The following ARHGEF10L variants were observed in gnomAD, a reference collection of about 807,000 sequenced individuals.
ARHGEF10L encodes Rho guanine nucleotide exchange factor 10 like.
A neutral mutation model predicts 141.2 loss-of-function variants in ARHGEF10L; 69 were observed. That is an observed-to-expected ratio of 0.49 (90% CI 0.40 to 0.60). The LOEUF (loss-of-function observed/expected upper bound fraction) is 0.60. Ranked by LOEUF, ARHGEF10L falls within the 20% of genes least tolerant of loss-of-function variation. The probability of loss-of-function intolerance (pLI) is 0.00; values close to 1 mark genes in which losing one functional copy is unlikely to be tolerated. For synonymous variants in ARHGEF10L, 711 were observed against 718.5 expected, an observed-to-expected ratio of 0.99 and a Z score of 0.17; for missense variants, 1,482 against 1,734.3, an observed-to-expected ratio of 0.85 and a Z score of 2.58.
intron 4 of ARHGEF10L, among the ~76,000 whole-genome samples, chr1:17,596,666 G>A (rs1426717882): frequency 2.0e-5 from 3 of 152,212 alleles, no homozygotes; most frequent in Non-Finnish European, 4.4e-5. Flanking sequence ...ACCCTTGGAG[G>A]TTCACTGAGA....
In ARHGEF10L at chr1:17,539,891, G is replaced by A. The variant is rs1473178804; in HGVS notation, c.-103G>A. ...CCTGCGGAGCTGGAGGCGCGGCGCC[G>A]GCCGCCAGGCGCCTTTGTGAGCGGC... is the stretch of plus-strand genomic sequence containing the variant. On this transcript the variant is annotated 5_prime_UTR_variant, in exon 1 of 29. Transcript: ENST00000361221. The surrounding 1 kb of genome is among the most constrained non-coding windows in gnomAD (Gnocchi z 6.0). 2 of 150,340 alleles carry A rather than the reference G, an allele frequency of 1.3e-5. No individual in the cohort carries two copies. The highest frequency in any genetic ancestry group is 3.0e-5 in the Non-Finnish European group (2 of 67,484). The allele number at this position is 150,340 out of a possible 1,614,324, so 9.3% of individuals were successfully genotyped here.
At chr1:17,696,627 C>T (rs1016152581) in intron 28 of ARHGEF10L, among the ~76,000 whole-genome samples, 2 of 152,156 alleles carry the variant, frequency 1.3e-5, no homozygotes, top group Non-Finnish European at 2.9e-5. Flanking sequence ...ACTGAGGCTC[C>T]CCCGTGTGGT....
At chr1:17,691,017 A>C (rs1022616019) in intron 27 of ARHGEF10L, 12 of 367,622 alleles carry the variant, frequency 3.3e-5, no homozygotes, top group Admixed American at 1.6e-4. Flanking sequence ...AGTGTGTGTT[A>C]ACAATTTATT....
At chr1:17,518,246 T>G in the ARHGEF10L span, among the ~76,000 whole-genome samples, 8 of 152,214 alleles carry the variant, frequency 5.3e-5, no homozygotes, top group African/African-American at 1.9e-4. Flanking sequence ...CTATTGCTGG[T>G]GTCTGAGCAG....
rs1279190526 is a variant in ARHGEF10L, at chr1:17,637,842, TG to T, written c.1928-45del. ...TGTTGTGAGCAGATGCTTGGCTTCT[TG>T]TTAGCGCCTTCACCTGTGCCTGAGT... On this transcript the variant is annotated intron_variant, in intron 18 of 28. Transcript: ENST00000361221. The T allele has an allele frequency of 5.9e-6, 9 of 1,516,314 alleles. No individual in the cohort carries two copies. The South Asian group carries it at 1.1e-4, about 18-fold the overall frequency. The allele number at this position is 1,516,314 out of a possible 1,614,324, so 93.9% of individuals were successfully genotyped here.
intron 4 of ARHGEF10L, among the ~76,000 whole-genome samples, chr1:17,598,982 T>G (rs2080374334): frequency 2.0e-5 from 3 of 152,212 alleles, no homozygotes; most frequent in Non-Finnish European, 2.9e-5. Context: ...ATTGAAACTT[T>G]GTGAGGCTCA....
chr1:17,636,268 C>A lies in ARHGEF10L; in HGVS notation c.1927+1252C>A, dbSNP rs369891732. ...CAAACCAGAGTCACGTACTGCCAGA[C>A]CCCTTCGAAAGGGGAAAGAAGTTCT... On this transcript the variant is annotated intron_variant, in intron 18 of 28. Coordinates refer to ENST00000361221, the MANE Select transcript of ARHGEF10L (RefSeq NM_018125.4). Among the ~76,000 whole-genome samples the A allele has an allele frequency of 1.2e-4, 19 of 152,304 alleles. No homozygotes were observed. In the East Asian group the frequency reaches 2.7e-3, roughly 22 times the overall value.
intron 1 of ARHGEF10L, among the ~76,000 whole-genome samples, chr1:17,572,733 G>A (rs1004035249): frequency 1.3e-5 from 2 of 152,162 alleles, no homozygotes; most frequent in African/African-American, 4.8e-5. Flanking sequence ...GTGCCAAGCT[G>A]GGGCCTGGCA....
chr1:17,519,482 C>T, the ARHGEF10L span, among the ~76,000 whole-genome samples: 3 of 151,840 alleles, frequency 2.0e-5, no homozygotes, highest in African/African-American at 7.3e-5. Flanking sequence ...TGGTGGCATG[C>T]ACCTGTGGTC....
chr1:17,588,306 G>C (rs2079201385), intron 3 of ARHGEF10L, 140 bp from the exon 4 acceptor site: 1 of 825,610 alleles, frequency 1.2e-6, no homozygotes, highest in African/African-American at 1.7e-5. Context: ...GGGGGAGGGA[G>C]GCGGGGCTCA....
chr1:17,688,287 G>T (rs528918360), intron 27 of ARHGEF10L, among the ~76,000 whole-genome samples: 1 of 152,246 alleles, frequency 6.6e-6, no homozygotes, highest in South Asian at 2.1e-4. Context: ...AGATGAAGTG[G>T]ACAGGATTGG....
intron 1 of ARHGEF10L, among the ~76,000 whole-genome samples, chr1:17,560,308 C>T (rs1266808409): frequency 6.6e-6 from 1 of 152,146 alleles, no homozygotes; most frequent in Non-Finnish European, 1.5e-5. Flanking sequence ...CCAGGAGTGC[C>T]TCCCTGCAAA....
intron 27 of ARHGEF10L, among the ~76,000 whole-genome samples, chr1:17,691,809 GT>G (rs1241985350): frequency 6.6e-6 from 1 of 152,108 alleles, no homozygotes; most frequent in African/African-American, 2.4e-5. Flanking sequence ...ATTTGTCCAA[GT>G]TTTCTCCTTT....
chr1:17,690,072 C>T (rs960891367), intron 27 of ARHGEF10L, among the ~76,000 whole-genome samples: 1 of 152,216 alleles, frequency 6.6e-6, no homozygotes, highest in African/African-American at 2.4e-5. Flanking sequence ...AATGACTGGT[C>T]TGCTATCGCA....
At chr1:17,671,984 C>T (rs2063349649) in intron 26 of ARHGEF10L, among the ~76,000 whole-genome samples, 1 of 152,132 alleles carries the variant, frequency 6.6e-6, no homozygotes, top group Non-Finnish European at 1.5e-5. Flanking sequence ...AGCAGCTGAC[C>T]GAGGCTTGGT....
At chr1:17,568,880 C>T (rs2077874977) in intron 1 of ARHGEF10L, among the ~76,000 whole-genome samples, 1 of 152,114 alleles carries the variant, frequency 6.6e-6, no homozygotes, top group Non-Finnish European at 1.5e-5. Flanking sequence ...TGAAGCCATC[C>T]CTCCCTGCTC....
chr1:17,647,395 G>A (rs1265823051), intron 21 of ARHGEF10L, among the ~76,000 whole-genome samples: 1 of 152,198 alleles, frequency 6.6e-6, no homozygotes, highest in Non-Finnish European at 1.5e-5. Flanking sequence ...ATGTGTGGGT[G>A]CATAGTAGGT....
intron 21 of ARHGEF10L, 93 bp downstream of exon 21, chr1:17,640,395 T>C: frequency 9.1e-7 from 1 of 1,104,768 alleles, no homozygotes; most frequent in East Asian, 2.7e-5. Flanking sequence ...GTGTTCGGGG[T>C]CAGCGGGGGG....
chr1:17,525,805 C>T, the ARHGEF10L span, among the ~76,000 whole-genome samples: 1 of 151,748 alleles, frequency 6.6e-6, no homozygotes, highest in East Asian at 1.9e-4. Context: ...GAGTCTGAAA[C>T]CAGCCTGGCC....
Sources: gnomAD v4.1 joint callset for allele counts (sites outside exome capture counted in the v4.1 genomes callset) on GRCh38, gnomAD v4.1.1 for gene constraint, Gnocchi (gnomAD v3.1) non-coding constraint, MANE v1.5 for transcripts, NCBI Gene and HGNC (gene_info 2026-07-23, HGNC 2026-07-21) for gene names.